SHC4: variants seen among roughly 807,000 people sequenced by gnomAD.
SHC4 encodes the protein SHC-transforming protein 4.
Under a neutral mutation model 69.4 loss-of-function variants are expected in SHC4, and 41 were observed. The ratio of observed to expected loss-of-function variants is 0.59; its 90% CI spans 0.46 to 0.77. SHC4 has a LOEUF of 0.77. Among genes scored for constraint, SHC4 ranks in the 30% least tolerant of loss-of-function variants. The pLI, the probability that SHC4 is intolerant of heterozygous loss-of-function variation, is 0.00. For missense variants in SHC4, 777 were observed against 783.8 expected (o/e 0.99, Z 0.10); for synonymous variants, 318 against 299.3 (o/e 1.06, Z -0.64).
chr15:48,855,599 T>C (rs745359477), intron 8 of SHC4, among the ~76,000 whole-genome samples: 1 of 152,028 alleles, frequency 6.6e-6, no homozygotes, highest in African/African-American at 2.4e-5. Flanking sequence ...CAGGAGAGGT[T>C]TGGATGAGAA....
At chr15:48,928,123 G>A (rs2141026451) in intron 1 of SHC4, among the ~76,000 whole-genome samples, 1 of 152,178 alleles carries the variant, frequency 6.6e-6, no homozygotes, top group South Asian at 2.1e-4. Flanking sequence ...TCTCCACCCA[G>A]GAGTACAAGA....
At chr15:48,956,758 G>A (rs1475512540) in intron 1 of SHC4, among the ~76,000 whole-genome samples, 2 of 152,098 alleles carry the variant, frequency 1.3e-5, no homozygotes, top group Non-Finnish European at 2.9e-5. Flanking sequence ...TAAAATAGAA[G>A]TGAATGCATC....
In SHC4 at chr15:48,890,822, G is replaced by T; in HGVS notation, c.657-11C>A. ...CGACTTATTGCTTCCCTAAAGAACA[G>T]AAACCATATAAATAAAGACTTAGCA... is the stretch of plus-strand genomic sequence containing the variant. On this transcript the variant is annotated splice_polypyrimidine_tract_variant and intron_variant, in intron 2 of 11. Coordinates refer to ENST00000332408, the MANE Select transcript of SHC4 (RefSeq NM_203349.4). 1.9e-6 allele frequency: 3 copies of T among 1,614,052 alleles called. No individual in the cohort carries two copies. Among genetic ancestry groups the T allele is most frequent in the Admixed American group, 1.7e-5 (1 of 60,020 alleles).
intron 2 of SHC4, among the ~76,000 whole-genome samples, chr15:48,905,865 T>C (rs529689232): frequency 2.0e-5 from 3 of 152,352 alleles, no homozygotes; most frequent in Admixed American, 6.5e-5. Flanking sequence ...TGTAATAATA[T>C]CTGCACATCT....
intron 1 of SHC4, among the ~76,000 whole-genome samples, chr15:48,933,176 C>G (rs1567073424): frequency 6.6e-6 from 1 of 152,128 alleles, no homozygotes; most frequent in Non-Finnish European, 1.5e-5. Context: ...ACCAATCATT[C>G]CAGTCCCTCG....
chr15:48,877,638 TA>T (rs74381270), intron 4 of SHC4: 93,476 of 639,754 alleles, frequency 0.15, no homozygotes, highest in Non-Finnish European at 0.16. Context: ...TCACTATAAC[TA>T]AAAAAAAAAA....
intron 1 of SHC4, among the ~76,000 whole-genome samples, chr15:48,932,402 G>A (rs1006084117): frequency 4.6e-5 from 7 of 152,108 alleles, no homozygotes; most frequent in Non-Finnish European, 8.8e-5. Flanking sequence ...ATCACACTTT[G>A]GAGAAAACAC....
rs1567054293 is a variant in SHC4 at position 48,857,822 on chromosome 15, G to A, written c.947-7C>T. On this transcript the variant is annotated splice_polypyrimidine_tract_variant and splice_region_variant and intron_variant, in intron 6 of 11. Transcript: ENST00000332408. ...CATTCCAATATGTGACAGGCTGCAA[G>A]AGGACATACAAAAAATAATATTATA... 2.7e-6 allele frequency: 4 copies of A among 1,504,118 alleles called. No individual in the cohort carries two copies. The highest frequency in any genetic ancestry group is 2.2e-5 in the Admixed American group (1 of 44,850). 93.2% of individuals were successfully genotyped at this position (1,504,118 alleles called of 1,614,324 possible).
At chr15:48,890,712 G>T in intron 3 of SHC4, 36 bp downstream of exon 3, 1 of 1,611,476 alleles carries the variant, frequency 6.2e-7, no homozygotes, top group South Asian at 1.1e-5. Context: ...GCCATAATTA[G>T]GGAAACATAA....
intron 4 of SHC4, among the ~76,000 whole-genome samples, chr15:48,872,658 T>G (rs1292418320): frequency 6.6e-6 from 1 of 152,192 alleles, no homozygotes; most frequent in African/African-American, 2.4e-5. Flanking sequence ...CCCTCTCCCT[T>G]TATATTTTTG....
intron 2 of SHC4, among the ~76,000 whole-genome samples, chr15:48,895,348 G>A (rs1900205026): frequency 6.6e-6 from 1 of 152,150 alleles, no homozygotes; most frequent in South Asian, 2.1e-4. Context: ...GAACCATATT[G>A]CCAGATGGAT....
intron 8 of SHC4, among the ~76,000 whole-genome samples, chr15:48,851,969 A>G (rs1899222753): frequency 6.6e-6 from 1 of 152,204 alleles, no homozygotes; most frequent in African/African-American, 2.4e-5. Flanking sequence ...CTAGGTCTTG[A>G]AGACTGAACT....
At position 48,963,042 on chromosome 15, in the gene SHC4, C is replaced by T; in HGVS notation, c.-27G>A. 1 of 1,567,506 alleles carries T rather than the reference C, an allele frequency of 6.4e-7. No individual in the cohort carries two copies. The highest frequency in any genetic ancestry group is 8.7e-7 in the Non-Finnish European group (1 of 1,155,906). ...GCCTTGGCAGTGCTGAAACAGGATA[C>T]TGTTGCATAAATCGCCTCGTCGTCT... On this transcript the variant is annotated 5_prime_UTR_variant, in exon 1 of 12. Coordinates refer to ENST00000332408, the MANE Select transcript of SHC4 (RefSeq NM_203349.4).
At chr15:48,882,442 G>A (rs1430547454) in intron 4 of SHC4, among the ~76,000 whole-genome samples, 1 of 152,142 alleles carries the variant, frequency 6.6e-6, no homozygotes, top group Non-Finnish European at 1.5e-5. Flanking sequence ...ATAGTTACTG[G>A]TAATGAAAAC....
intron 1 of SHC4, among the ~76,000 whole-genome samples, chr15:48,955,562 C>G (rs1049168907): frequency 3.3e-5 from 5 of 152,112 alleles, no homozygotes. Context: ...GGTAACAAGT[C>G]CTGGCCCAAC....
At chr15:48,836,751 C>T (rs773236344) in intron 10 of SHC4, among the ~76,000 whole-genome samples, 2 of 152,086 alleles carry the variant, frequency 1.3e-5, no homozygotes, top group African/African-American at 2.4e-5. Flanking sequence ...GTGCTGTAGT[C>T]GTAATTCAAT....
intron 1 of SHC4, among the ~76,000 whole-genome samples, chr15:48,962,074 A>G (rs989396486): frequency 2.6e-5 from 4 of 152,234 alleles, no homozygotes; most frequent in Non-Finnish European, 5.9e-5. Context: ...TCAATCACTG[A>G]TCAGATTTGA....
At chr15:48,828,012 CT>C (rs1567046639) in intron 11 of SHC4, among the ~76,000 whole-genome samples, 1 of 152,012 alleles carries the variant, frequency 6.6e-6, no homozygotes, top group Non-Finnish European at 1.5e-5. Context: ...CCTGCAGACA[CT>C]TGTGTTTGTA....
intron 9 of SHC4, among the ~76,000 whole-genome samples, chr15:48,850,888 C>T (rs527475098): frequency 4.6e-5 from 7 of 152,252 alleles, no homozygotes; most frequent in East Asian, 1.9e-4. Context: ...CCTTGGGTTT[C>T]GAGCAGAGAA....
Sources: gnomAD v4.1 joint callset for allele counts (sites outside exome capture counted in the v4.1 genomes callset) on GRCh38, gnomAD v4.1.1 for gene constraint, MANE v1.5 for transcripts, NCBI Gene and HGNC (gene_info 2026-07-23, HGNC 2026-07-21) for gene names.